Variants in IP6K1 observed in about 807,000 individuals in gnomAD.
The protein encoded by IP6K1 is inositol hexakisphosphate kinase 1, also known as ATP:1D-myo-inositol-hexakisphosphate phosphotransferase.
IP6K1 carries 13 observed loss-of-function variants against 38.3 expected under a neutral mutation model. The observed-to-expected ratio is 0.34, with a 90% CI of 0.22 to 0.54. The LOEUF is 0.54. Ranked by LOEUF, IP6K1 falls within the 20% of genes least tolerant of loss-of-function variation. IP6K1 has a pLI of 0.92. For missense variants in IP6K1, 397 were observed against 599.8 expected, an observed-to-expected ratio of 0.66 and a Z score of 3.53; for synonymous variants, 212 against 229.9, an observed-to-expected ratio of 0.92 and a Z score of 0.70.
intron 1 of IP6K1, among the ~76,000 whole-genome samples, chr3:49,757,887 C>T (rs2080838284): frequency 1.3e-5 from 2 of 152,016 alleles, no homozygotes; most frequent in African/African-American, 4.8e-5. Flanking sequence ...CACATGTGTC[C>T]TATTATTAAA....
intron 4 of IP6K1, among the ~76,000 whole-genome samples, chr3:49,732,077 A>G (rs1228215232): frequency 6.6e-6 from 1 of 151,782 alleles, no homozygotes; most frequent in Non-Finnish European, 1.5e-5. Context: ...CTACAAGCAC[A>G]CACCACCACA....
intron 1 of IP6K1, among the ~76,000 whole-genome samples, chr3:49,759,974 G>C (rs1197798310): frequency 6.6e-6 from 1 of 152,098 alleles, no homozygotes; most frequent in Non-Finnish European, 1.5e-5. Context: ...ACGATCACGG[G>C]TTACTACAAC....
chr3:49,757,032 TAGA>T (rs1371091634), intron 1 of IP6K1, among the ~76,000 whole-genome samples: 3 of 152,080 alleles, frequency 2.0e-5, no homozygotes, highest in Admixed American at 2.0e-4. Context: ...AGCACACATG[TAGA>T]AGGATGGGAG....
chr3:49,766,403 A>G (rs1255356734), intron 1 of IP6K1, among the ~76,000 whole-genome samples: 1 of 150,702 alleles, frequency 6.6e-6, no homozygotes, highest in African/African-American at 2.4e-5. Flanking sequence ...GTGGCTCACA[A>G]CTGTAATCCC....
intron 1 of IP6K1, among the ~76,000 whole-genome samples, chr3:49,779,581 G>C (rs1315729136): frequency 1.3e-5 from 2 of 152,006 alleles, no homozygotes; most frequent in African/African-American, 4.8e-5. Flanking sequence ...CAATGTATGA[G>C]GTCTCTAATT....
At chr3:49,738,817 T>C (rs2080639333) in intron 2 of IP6K1, among the ~76,000 whole-genome samples, 2 of 152,162 alleles carry the variant, frequency 1.3e-5, no homozygotes. Flanking sequence ...TTAGATCTAG[T>C]TTCCTTCTGC....
At chr3:49,765,430 A>ATAAT (rs2080902701) in intron 1 of IP6K1, among the ~76,000 whole-genome samples, 2 of 148,354 alleles carry the variant, frequency 1.3e-5, no homozygotes, top group Admixed American at 1.3e-4. Flanking sequence ...TCATGAGGTC[A>ATAAT]GGAGATGGAG....
rs572454079 is a variant in IP6K1, at chr3:49,735,628, A to G, written c.434+2584T>C. On this transcript the variant is annotated intron_variant, in intron 3 of 5. Coordinates refer to ENST00000321599, the MANE Select transcript of IP6K1 (RefSeq NM_153273.4). Reference sequence around the variant, plus strand: ...GGGTATGAAGCTCTCTCCTTGCATGAAAGATGCAGACTGGCCAAAGAGGAT... The same window carrying G: ...GGGTATGAAGCTCTCTCCTTGCATGGAAGATGCAGACTGGCCAAAGAGGAT... Among the ~76,000 whole-genome samples, 14 of 152,282 alleles carry G rather than the reference A, an allele frequency of 9.2e-5. 1 individual carries two copies. In the South Asian group the frequency reaches 2.7e-3, roughly 29 times the overall value.
chr3:49,746,717 C>T (rs1026693228), intron 2 of IP6K1, among the ~76,000 whole-genome samples: 20 of 151,132 alleles, frequency 1.3e-4, no homozygotes, highest in Non-Finnish European at 1.8e-4. Flanking sequence ...CCACTGTGCC[C>T]GGCCAAGAAT....
intron 1 of IP6K1, among the ~76,000 whole-genome samples, chr3:49,773,336 C>T (rs1472466028): frequency 6.6e-6 from 1 of 152,112 alleles, no homozygotes; most frequent in Non-Finnish European, 1.5e-5. Flanking sequence ...ACTGGCCGGG[C>T]GCGGTGGCTC....
Position 49,725,229 on chromosome 3 carries a change from G to C in IP6K1, c.*1893C>G, listed in dbSNP as rs7634902. 1.3e-5 allele frequency: 2 copies of C among 152,416 alleles called. No individual in the cohort carries two copies. The highest frequency in any genetic ancestry group is 2.9e-5 in the Non-Finnish European group (2 of 68,012). The allele number at this position is 152,416 out of a possible 1,614,324, so 9.4% of individuals were successfully genotyped here. On this transcript the variant is annotated 3_prime_UTR_variant, in exon 6 of 6. Coordinates refer to ENST00000321599, the MANE Select transcript of IP6K1 (RefSeq NM_153273.4). The stretch of plus-strand genomic sequence containing the variant: ...TGCGGCAGCCTCTCCTCCCAGAATC[G>C]AGGAATCTGGGAGGCACAGGACATC...
chr3:49,771,524 G>A (rs930881559), intron 1 of IP6K1, among the ~76,000 whole-genome samples: 2 of 152,094 alleles, frequency 1.3e-5, no homozygotes, highest in East Asian at 1.9e-4. Context: ...CACCCAAATG[G>A]CTAAAATTAA....
chr3:49,744,626 T>C (rs769981403), intron 2 of IP6K1, among the ~76,000 whole-genome samples: 4 of 152,136 alleles, frequency 2.6e-5, no homozygotes, highest in Non-Finnish European at 5.9e-5. Flanking sequence ...GCTTGTCTTA[T>C]AATTTTCCTG....
At chr3:49,740,466 C>T (rs191525609) in intron 2 of IP6K1, among the ~76,000 whole-genome samples, 57 of 152,232 alleles carry the variant, frequency 3.7e-4, no homozygotes, top group Admixed American at 3.1e-3. Flanking sequence ...TGTTTTTCAT[C>T]ACCTGAAACA....
At chr3:49,767,344 C>T (rs532912539) in intron 1 of IP6K1, among the ~76,000 whole-genome samples, 10 of 151,632 alleles carry the variant, frequency 6.6e-5, no homozygotes, top group East Asian at 3.9e-4. Flanking sequence ...TTTGGGAGGC[C>T]GAGGTGGGCA....
Position 49,738,329 on chromosome 3 carries a change from T to A in IP6K1, c.317A>T (p.Asp106Val). ...YVESETVEQD[D>V]TTEREQPRRK... ...CCGAGGTTGCTCCCGTTCTGTTGTG[T>A]CATCCTGTTCCACAGTCTCACTTTC... Residue 106 changes from aspartate (D) to valine (V), a missense_variant, in exon 3 of 6, where the codon GAC (aspartate) becomes GTC (valine). Physicochemically the swap from Asp to Val is radical, Grantham distance 152. Around this residue, in one of 3 missense-constraint regions of IP6K1, gnomAD observed 171 missense variants for 237.0 expected, o/e 0.72. Coordinates refer to ENST00000321599, the MANE Select transcript of IP6K1 (RefSeq NM_153273.4). 1 of 1,614,214 alleles carries A rather than the reference T, an allele frequency of 6.2e-7. No individual in the cohort carries two copies. The highest frequency in any genetic ancestry group is 8.5e-7 in the Non-Finnish European group (1 of 1,180,034).
At position 49,780,309 on chromosome 3, in the gene IP6K1, T is replaced by TAAACACACACACACACACACACACACAC. The variant is rs1553697560; in HGVS notation, c.-129+6044_-129+6045insGTGTGTGTGTGTGTGTGTGTGTGTGTTT. On this transcript the variant is annotated intron_variant, in intron 1 of 5. Transcript: ENST00000321599. The stretch of plus-strand genomic sequence containing the variant: ...ACACGAGAATCTTTATCATCTTTCA[T>TAAACACACACACACACACACACACACAC]ACACACACACACACACACACACACA... 3.4e-5 allele frequency among the ~76,000 whole-genome samples: 4 copies of TAAACACACACACACACACACACACACAC among 117,616 alleles called. No homozygotes were observed. The East Asian group carries it at 1.0e-3, about 30-fold the overall frequency. 77.2% of individuals were successfully genotyped at this position (117,616 alleles called of 152,430 possible).
chr3:49,776,749 C>A (rs2081011981), intron 1 of IP6K1, among the ~76,000 whole-genome samples: 1 of 152,068 alleles, frequency 6.6e-6, no homozygotes, highest in Non-Finnish European at 1.5e-5. Flanking sequence ...AGCAGGTCTG[C>A]AAACTTGAAA....
chr3:49,769,532 A>G (rs1015092265), intron 1 of IP6K1, among the ~76,000 whole-genome samples: 1 of 152,224 alleles, frequency 6.6e-6, no homozygotes. Flanking sequence ...CGACAAAAGT[A>G]CCAAAGCAAA....
Sources: allele counts gnomAD v4.1 joint callset (sites outside exome capture counted in the v4.1 genomes callset), GRCh38; gene constraint gnomAD v4.1.1; regional missense constraint gnomAD v4.1.1; transcripts MANE v1.5; gene names NCBI Gene and HGNC (gene_info 2026-07-23, HGNC 2026-07-21).